Variants in TTC27 observed in about 807,000 individuals in gnomAD.
TTC27 encodes tetratricopeptide repeat protein 27.
In TTC27, 79 loss-of-function variants were observed where a neutral mutation model predicts 115.9. The observed-to-expected ratio is 0.68, with a 90% CI of 0.57 to 0.82. The LOEUF (loss-of-function observed/expected upper bound fraction) is 0.82, where lower values mean the gene tolerates loss of function less well. Among genes scored for constraint, TTC27 ranks in the 40% least tolerant of loss-of-function variants. TTC27 has a pLI of 0.00. For missense variants in TTC27, 1,054 were observed against 993.1 expected, an observed-to-expected ratio of 1.06 and a Z score of -0.82; for synonymous variants, 401 against 356.0, an observed-to-expected ratio of 1.13 and a Z score of -1.42.
At chr2:32,710,154 T>C (rs1241004253) in intron 10 of TTC27, among the ~76,000 whole-genome samples, 1 of 152,044 alleles carries the variant, frequency 6.6e-6, no homozygotes, top group Non-Finnish European at 1.5e-5. Context: ...TAGCTGGGAC[T>C]ATAGGCATGC....
chr2:32,731,962 A>G (rs543859700), intron 10 of TTC27, among the ~76,000 whole-genome samples: 2 of 152,020 alleles, frequency 1.3e-5, no homozygotes, highest in South Asian at 4.1e-4. Context: ...TTTTTTGAAA[A>G]TTAATTTTTT....
At chr2:32,750,487 A>G (rs185388026) in intron 12 of TTC27, among the ~76,000 whole-genome samples, 99 of 152,322 alleles carry the variant, frequency 6.5e-4, no homozygotes, top group African/African-American at 2.3e-3. Flanking sequence ...AGGAAAAGGG[A>G]TTTTAGGAAA....
Position 32,676,228 on chromosome 2 carries a change from C to T in TTC27, c.1053-2628C>T, listed in dbSNP as rs187319580. On this transcript the variant is annotated intron_variant, in intron 8 of 19. Transcript: ENST00000317907. Reference sequence around the variant, plus strand: ...CCTGACGACCAAATGCTGGAACTTGCCCCACCTCTCTTATACCTCATTCTA... The same window carrying T: ...CCTGACGACCAAATGCTGGAACTTGTCCCACCTCTCTTATACCTCATTCTA... 3.3e-5 allele frequency among the ~76,000 whole-genome samples: 5 copies of T among 152,042 alleles called. No individual in the cohort carries two copies. In the East Asian group the frequency reaches 9.7e-4, roughly 29 times the overall value.
intron 12 of TTC27, among the ~76,000 whole-genome samples, chr2:32,751,180 C>T (rs1041594461): frequency 2.0e-5 from 3 of 151,734 alleles, no homozygotes; most frequent in Non-Finnish European, 4.4e-5. Context: ...AGAGCCACCA[C>T]TATGTTAAGT....
intron 4 of TTC27, among the ~76,000 whole-genome samples, chr2:32,646,557 GTTTTTTTTTTT>G (rs369232306): frequency 8.7e-6 from 1 of 114,502 alleles, no homozygotes; most frequent in Admixed American, 1.1e-4. Context: ...TCTATATTTG[GTTTTTTTTTTT>G]TTTTTTTTGG....
intron 16 of TTC27, among the ~76,000 whole-genome samples, chr2:32,790,481 T>C (rs1226244300): frequency 6.6e-6 from 1 of 152,182 alleles, no homozygotes; most frequent in Non-Finnish European, 1.5e-5. Context: ...ATCTATGGAG[T>C]ACCATGTGAT....
chr2:32,747,513 T>A (rs1668870592), intron 12 of TTC27, among the ~76,000 whole-genome samples: 1 of 152,186 alleles, frequency 6.6e-6, no homozygotes, highest in African/African-American at 2.4e-5. Flanking sequence ...GCAGAATGAT[T>A]ATATGGGTAC....
At chr2:32,806,738 G>A (rs1203106227) in intron 16 of TTC27, among the ~76,000 whole-genome samples, 3 of 151,736 alleles carry the variant, frequency 2.0e-5, no homozygotes, top group African/African-American at 7.3e-5. Flanking sequence ...CCAAGATCGC[G>A]CCACTGCACT....
chr2:32,631,317 A>G lies in TTC27; in HGVS notation c.266+617A>G, dbSNP rs148500330. Among the ~76,000 whole-genome samples, 27 of 152,236 alleles carry G rather than the reference A, an allele frequency of 1.8e-4. No individual in the cohort carries two copies. The East Asian group carries it at 5.2e-3, about 29-fold the overall frequency. ...GACTCTGTCTCAAAAAAAAACCAAA[A>G]AACAAAAAACATACTTTCAATCTTG... On this transcript the variant is annotated intron_variant, in intron 2 of 19. Coordinates refer to ENST00000317907, the MANE Select transcript of TTC27 (RefSeq NM_017735.5).
chr2:32,656,272 A>G (rs1031449497), intron 5 of TTC27, among the ~76,000 whole-genome samples: 3 of 152,196 alleles, frequency 2.0e-5, no homozygotes, highest in African/African-American at 7.2e-5. Context: ...AAATACAGGT[A>G]GGACAAACAG....
chr2:32,746,375 A>G (rs1668827032), intron 12 of TTC27, among the ~76,000 whole-genome samples: 1 of 151,982 alleles, frequency 6.6e-6, no homozygotes. Context: ...CAGCCTGGCC[A>G]ACATGGTGAA....
intron 5 of TTC27, among the ~76,000 whole-genome samples, chr2:32,653,962 C>A (rs751477919): frequency 2.2e-4 from 33 of 152,208 alleles, no homozygotes; most frequent in African/African-American, 7.7e-4. Flanking sequence ...TCATTGCTTT[C>A]CACCATTCTG....
chr2:32,652,677 A>G (rs1480008999), intron 5 of TTC27, among the ~76,000 whole-genome samples: 1 of 152,176 alleles, frequency 6.6e-6, no homozygotes, highest in Non-Finnish European at 1.5e-5. Flanking sequence ...CTAGGTCTAA[A>G]TAGATTCGTA....
At chr2:32,735,099 C>G (rs1668408176) in intron 11 of TTC27, among the ~76,000 whole-genome samples, 1 of 152,116 alleles carries the variant, frequency 6.6e-6, no homozygotes. Context: ...ACCCACCATC[C>G]AATCGTTTAA....
At chr2:32,789,946 AGAG>A (rs143159254) in intron 16 of TTC27, among the ~76,000 whole-genome samples, 8,831 of 127,660 alleles carry the variant, frequency 0.069, 575 homozygotes, top group Non-Finnish European at 0.08. Context: ...AAAAAAAAAA[AGAG>A]AAGTCTTTCA....
chr2:32,706,855 G>T (rs6721718), intron 10 of TTC27, among the ~76,000 whole-genome samples: 2 of 152,084 alleles, frequency 1.3e-5, no homozygotes, highest in Non-Finnish European at 1.5e-5. Flanking sequence ...GAGCCACTGC[G>T]CCTGGCCCCC....
chr2:32,674,160 T>G (rs1666110833), intron 8 of TTC27, among the ~76,000 whole-genome samples: 1 of 151,824 alleles, frequency 6.6e-6, no homozygotes, highest in Admixed American at 6.6e-5. Flanking sequence ...TGTTCTTTTT[T>G]TTTTTTTTGA....
At chr2:32,647,249 T>C (rs1315705186) in intron 4 of TTC27, among the ~76,000 whole-genome samples, 2 of 152,160 alleles carry the variant, frequency 1.3e-5, no homozygotes, top group East Asian at 1.9e-4. Flanking sequence ...CCTTGTATTA[T>C]GTGTTTTCTT....
chr2:32,636,403 G>A (rs771744321), intron 3 of TTC27, among the ~76,000 whole-genome samples: 10 of 152,006 alleles, frequency 6.6e-5, no homozygotes, highest in East Asian at 5.8e-4. Flanking sequence ...TAGTAGAGAC[G>A]GGGTTTCACC....
Sources: allele counts gnomAD v4.1 joint callset (sites outside exome capture counted in the v4.1 genomes callset), GRCh38; gene constraint gnomAD v4.1.1; transcripts MANE v1.5; gene names NCBI Gene and HGNC (gene_info 2026-07-23, HGNC 2026-07-21).